Variants in ZNF460 observed in about 807,000 individuals in gnomAD.
ZNF460 encodes the protein zinc finger protein 460, also known as zinc finger protein 272.
A neutral mutation model predicts 8.4 loss-of-function variants in ZNF460; 1 was observed. The observed-to-expected ratio is 0.12, with a 90% CI of 0.04 to 0.56. ZNF460 has a LOEUF of 0.56. Ranked by LOEUF, ZNF460 falls within the 20% of genes least tolerant of loss-of-function variation. ZNF460 has a pLI of 0.91. For missense variants in ZNF460, 477 were observed against 714.8 expected (o/e 0.67, Z 3.79); for synonymous variants, 262 against 259.9 (o/e 1.01, Z -0.08).
chr19:57,292,474 A>G lies in ZNF460; in HGVS notation c.*244A>G. 4.4e-6 allele frequency: 2 copies of G among 456,534 alleles called. No homozygotes were observed. Among genetic ancestry groups the G allele is most frequent in the Non-Finnish European group, 7.8e-6 (2 of 255,636 alleles). The allele number at this position is 456,534 out of a possible 1,614,324, so 28.3% of individuals were successfully genotyped here. On this transcript the variant is annotated 3_prime_UTR_variant, in exon 3 of 3. Transcript: ENST00000360338. ...GACACAGCCAAGAGTCTTATTCTACATCTGATAATTCACCCATGAAAGAGA... is the reference window on the plus strand; with the variant it reads ...GACACAGCCAAGAGTCTTATTCTACGTCTGATAATTCACCCATGAAAGAGA...
At chr19:57,283,167 A>C (rs2087852767) in intron 1 of ZNF460, among the ~76,000 whole-genome samples, 1 of 148,226 alleles carries the variant, frequency 6.7e-6, no homozygotes, top group Non-Finnish European at 1.5e-5. Flanking sequence ...TTTTACAAAC[A>C]GTTTTTCTTT....
intron 1 of ZNF460, among the ~76,000 whole-genome samples, chr19:57,283,721 C>T (rs1206609907): frequency 1.3e-5 from 2 of 151,398 alleles, no homozygotes; most frequent in African/African-American, 2.4e-5. Context: ...AGGCTTGTCT[C>T]GAATTCCTGA....
chr19:57,290,068 A>G (rs2087905822), intron 2 of ZNF460, among the ~76,000 whole-genome samples: 1 of 151,978 alleles, frequency 6.6e-6, no homozygotes. Flanking sequence ...TGAACCCAGG[A>G]GGCAGAAGTT....
chr19:57,292,161 T>G lies in ZNF460; in HGVS notation c.1620T>G (p.Pro540=), dbSNP rs767105436. The change falls in exon 3 of 3, where the codon CCT becomes CCG. Residue 540 remains proline, a synonymous_variant. Coordinates refer to ENST00000360338, the MANE Select transcript of ZNF460 (RefSeq NM_006635.4). ...TGAGTGCAGTGAATATGGAAACGCC[T>G]TCAATTGCCGCTCATTCCTCCTCAC... The part of the protein sequence containing the change: ...SPVSAVNMET[P]SIAAHSSSLD... 1 of 1,614,078 alleles carries G rather than the reference T, an allele frequency of 6.2e-7. No homozygotes were observed. The highest frequency in any genetic ancestry group is 1.3e-5 in the African/African-American group (1 of 74,936).
intron 2 of ZNF460, among the ~76,000 whole-genome samples, chr19:57,288,532 A>G (rs1177722397): frequency 6.6e-6 from 1 of 152,172 alleles, no homozygotes; most frequent in Non-Finnish European, 1.5e-5. Flanking sequence ...CAGCCTATGA[A>G]ACAGAATCTG....
intron 2 of ZNF460, among the ~76,000 whole-genome samples, chr19:57,288,506 T>C (rs182230753): frequency 5.3e-5 from 8 of 152,342 alleles, no homozygotes; most frequent in Admixed American, 3.3e-4. Context: ...AGAATTTTCC[T>C]ATTTAACCCT....
chr19:57,282,541 TTC>T (rs1280451706), intron 1 of ZNF460, among the ~76,000 whole-genome samples: 1 of 152,214 alleles, frequency 6.6e-6, no homozygotes, highest in Non-Finnish European at 1.5e-5. Context: ...ATGACTACAC[TTC>T]TCTGCCCTTG....
At chr19:57,280,893 G>A in intron 1 of ZNF460, 57 bp downstream of exon 1, 2 of 1,609,614 alleles carry the variant, frequency 1.2e-6, no homozygotes, top group Non-Finnish European at 1.7e-6. Context: ...AGGCCTCGTG[G>A]GCAGGCTGGA....
At position 57,280,830 on chromosome 19, in the gene ZNF460, G is replaced by C. The variant is rs201696504; in HGVS notation, c.24G>C (p.Pro8=). 2 of 1,614,154 alleles carry C rather than the reference G, an allele frequency of 1.2e-6. No individual in the cohort carries two copies. Among genetic ancestry groups the C allele is most frequent in the Non-Finnish European group, 1.7e-6 (2 of 1,180,028 alleles). The change falls in exon 1 of 3, where the codon CCG becomes CCC. Residue 8 remains proline (P), a synonymous_variant. Coordinates refer to ENST00000360338, the MANE Select transcript of ZNF460 (RefSeq NM_006635.4). ...GGATGGCGGCGGCGTGGATGGCTCC[G>C]GCGCAGGTGAGTGGACGAGGTTTCG... MAAAWMA[P]AQESVTFEDV...
intron 1 of ZNF460, among the ~76,000 whole-genome samples, chr19:57,282,285 C>T (rs762072483): frequency 6.6e-6 from 1 of 152,176 alleles, no homozygotes; most frequent in Non-Finnish European, 1.5e-5. Flanking sequence ...AATGTACCCT[C>T]CTACTCAGCC....
At position 57,292,566 on chromosome 19, in the gene ZNF460, G is replaced by A. The variant is rs1182353853; in HGVS notation, c.*336G>A. Reference sequence around the variant, plus strand: ...CTTTCTTATTAGTTTACAGTGAAATGTTATCTCAGGGACATTCAAACAAAG... The same window carrying A: ...CTTTCTTATTAGTTTACAGTGAAATATTATCTCAGGGACATTCAAACAAAG... On this transcript the variant is annotated 3_prime_UTR_variant, in exon 3 of 3. Transcript: ENST00000360338. 1 of 203,562 alleles carries A rather than the reference G, an allele frequency of 4.9e-6. No individual in the cohort carries two copies. 12.6% of individuals were successfully genotyped at this position (203,562 alleles called of 1,614,324 possible).
rs139943011 is a variant in ZNF460 at position 57,293,167 on chromosome 19, T to C, written c.*937T>C. 1.3e-5 allele frequency: 2 copies of C among 152,346 alleles called. No homozygotes were observed. Among genetic ancestry groups the C allele is most frequent in the Admixed American group, 1.3e-4 (2 of 15,294 alleles). The allele number at this position is 152,346 out of a possible 1,614,324, so 9.4% of individuals were successfully genotyped here. On this transcript the variant is annotated 3_prime_UTR_variant, in exon 3 of 3. Coordinates refer to ENST00000360338, the MANE Select transcript of ZNF460 (RefSeq NM_006635.4). The stretch of plus-strand genomic sequence containing the variant: ...TGGTTTCTCAGCTTTTTTACTGCTC[T>C]TTAGAGAGAGTAAATAGTTCAAAAT...
chr19:57,286,384 A>G (rs56257969), intron 2 of ZNF460, among the ~76,000 whole-genome samples: 33,612 of 152,118 alleles, frequency 0.22, 4,266 homozygotes, highest in Admixed American at 0.26. Flanking sequence ...CAGCTTTATC[A>G]ATAAATGTTA....
intron 1 of ZNF460, among the ~76,000 whole-genome samples, chr19:57,282,966 G>A (rs2122883007): frequency 6.6e-6 from 1 of 151,720 alleles, no homozygotes; most frequent in East Asian, 1.9e-4. Context: ...ATTCCAGCCT[G>A]GGTGACAGAG....
intron 2 of ZNF460, among the ~76,000 whole-genome samples, chr19:57,286,067 G>T (rs1407637842): frequency 1.3e-5 from 2 of 152,086 alleles, no homozygotes; most frequent in African/African-American, 4.8e-5. Flanking sequence ...TTTCTCATGG[G>T]TAAAATGGGA....
At chr19:57,283,497 C>CTT (rs2087855673) in intron 1 of ZNF460, among the ~76,000 whole-genome samples, 1 of 104,642 alleles carries the variant, frequency 9.6e-6, no homozygotes, top group Non-Finnish European at 1.8e-5. Context: ...GTTCTTTTGA[C>CTT]TATTCTTTTT....
At chr19:57,285,583 C>A (rs1440840182) in intron 2 of ZNF460, among the ~76,000 whole-genome samples, 1 of 152,122 alleles carries the variant, frequency 6.6e-6, no homozygotes, top group Non-Finnish European at 1.5e-5. Flanking sequence ...AAGAGATAAA[C>A]CTTCATTGTG....
chr19:57,292,374 C>T lies in ZNF460; in HGVS notation c.*144C>T. On this transcript the variant is annotated 3_prime_UTR_variant, in exon 3 of 3. Coordinates refer to ENST00000360338, the MANE Select transcript of ZNF460 (RefSeq NM_006635.4). ...TCTGGTCATTCATACTGAAGAGAAA[C>T]TCCATAAGTATCATCTCTGTGGGAA... is the stretch of plus-strand genomic sequence containing the variant. 6.0e-6 allele frequency: 5 copies of T among 831,464 alleles called. No individual in the cohort carries two copies. Among genetic ancestry groups the T allele is most frequent in the Non-Finnish European group, 9.4e-6 (5 of 530,224 alleles). The allele number at this position is 831,464 out of a possible 1,614,324, so 51.5% of individuals were successfully genotyped here. A position where few individuals can be genotyped will look rare whatever the true frequency, so the allele number is the denominator to read the frequency against.
At chr19:57,284,474 G>C in intron 1 of ZNF460, 77 bp from the exon 2 acceptor site, 2 of 1,526,552 alleles carry the variant, frequency 1.3e-6, no homozygotes, top group Non-Finnish European at 1.8e-6. Context: ...TGCATCTTTT[G>C]CAGTGCTGGA....
Sources: allele counts gnomAD v4.1 joint callset (sites outside exome capture counted in the v4.1 genomes callset), GRCh38; gene constraint gnomAD v4.1.1; transcripts MANE v1.5; gene names NCBI Gene and HGNC (gene_info 2026-07-23, HGNC 2026-07-21).